The following PCBP3 variants were observed in gnomAD, a reference collection of about 807,000 sequenced individuals.
PCBP3 encodes the protein poly(rC)-binding protein 3.
Under a neutral mutation model 52.7 loss-of-function variants are expected in PCBP3, and 25 were observed. That is an observed-to-expected ratio of 0.47 (90% CI 0.35 to 0.66). The LOEUF is 0.66. Ranked by LOEUF, PCBP3 falls within the 30% of genes least tolerant of loss-of-function variation. The pLI is 0.01. For synonymous variants in PCBP3, 162 were observed against 183.0 expected (o/e 0.89, Z 0.93); for missense variants, 391 against 490.3 (o/e 0.80, Z 1.91).
chr21:45,866,376 C>T (rs2094725151), intron 5 of PCBP3, among the ~76,000 whole-genome samples: 1 of 152,238 alleles, frequency 6.6e-6, no homozygotes, highest in African/African-American at 2.4e-5. Flanking sequence ...AAGGAAATGA[C>T]ACAGGGCCTG....
intron 4 of PCBP3, among the ~76,000 whole-genome samples, chr21:45,831,930 C>T (rs143475237): frequency 4.4e-4 from 67 of 152,194 alleles, no homozygotes; most frequent in African/African-American, 1.5e-3. Context: ...AGGATGGTCT[C>T]GAATTCCTGA....
Position 45,857,183 on chromosome 21 carries a change from C to T in PCBP3, c.10+7088C>T, listed in dbSNP as rs150531191. Among the ~76,000 whole-genome samples the T allele has an allele frequency of 2.0e-3, 299 of 152,292 alleles. 2 individuals carry two copies. Among genetic ancestry groups the T allele is most frequent in the African/African-American group, 6.9e-3 (286 of 41,548 alleles). On this transcript the variant is annotated intron_variant, in intron 5 of 17. Transcript: ENST00000681687. The stretch of plus-strand genomic sequence containing the variant: ...TTCTTTACAGATGCAAATGTTCCCC[C>T]ACAAAGGACGGCTTTGTAGGACCAT...
At chr21:45,939,354 A>G (rs1007041493) in intron 16 of PCBP3, among the ~76,000 whole-genome samples, 2 of 152,164 alleles carry the variant, frequency 1.3e-5, no homozygotes, top group African/African-American at 4.8e-5. Flanking sequence ...GCTGCCCCAT[A>G]GGCCCCGCCC....
At chr21:45,860,716 C>T (rs141262675) in intron 5 of PCBP3, among the ~76,000 whole-genome samples, 33 of 152,312 alleles carry the variant, frequency 2.2e-4, no homozygotes, top group African/African-American at 7.2e-4. Flanking sequence ...ATGCAGACTG[C>T]GGGGGAGATG....
In PCBP3 at chr21:45,656,713, CTT is replaced by C. The variant is rs1228485119; in HGVS notation, c.-278-12157_-278-12156del. 2.0e-5 allele frequency among the ~76,000 whole-genome samples: 3 copies of C among 152,150 alleles called. No homozygotes were observed. Among genetic ancestry groups the C allele is most frequent in the Admixed American group, 6.5e-5 (1 of 15,280 alleles). ...TTTGCCCATTTAAAAACTGGATTGT[CTT>C]TTTATCGCTGAGTTGTAAGTGTTCT... On this transcript the variant is annotated intron_variant, in intron 1 of 17. Coordinates refer to ENST00000681687, the MANE Select transcript of PCBP3 (RefSeq NM_001384156.1). The surrounding 1 kb of genome is among the most constrained non-coding windows in gnomAD (Gnocchi z 4.3).
chr21:45,932,641 G>A (rs968694305), intron 15 of PCBP3, among the ~76,000 whole-genome samples: 1 of 152,054 alleles, frequency 6.6e-6, no homozygotes, highest in Non-Finnish European at 1.5e-5. Flanking sequence ...GTCCTGAGAT[G>A]AATGAACACA....
At chr21:45,905,391 A>T (rs1395882743) in intron 9 of PCBP3, among the ~76,000 whole-genome samples, 1 of 152,232 alleles carries the variant, frequency 6.6e-6, no homozygotes, top group East Asian at 1.9e-4. Context: ...ATCCACCGCC[A>T]TGGGCCCTTG....
intron 2 of PCBP3, among the ~76,000 whole-genome samples, chr21:45,707,507 C>T (rs1338955260): frequency 1.3e-5 from 2 of 152,084 alleles, no homozygotes; most frequent in African/African-American, 4.8e-5. Flanking sequence ...CAAAGTGAGA[C>T]TCCGTCTCAA....
chr21:45,822,718 A>G (rs2147445002), intron 4 of PCBP3, among the ~76,000 whole-genome samples: 1 of 146,278 alleles, frequency 6.8e-6, no homozygotes, highest in East Asian at 1.9e-4. Context: ...GGTTAGGTGC[A>G]CGAGGGGCAG....
intron 4 of PCBP3, among the ~76,000 whole-genome samples, chr21:45,787,904 G>A (rs2146287942): frequency 6.6e-6 from 1 of 152,360 alleles, no homozygotes; most frequent in African/African-American, 2.4e-5. Flanking sequence ...AAAGAGATCA[G>A]GCTTTGAGGT....
chr21:45,701,596 C>G (rs1007154668), intron 2 of PCBP3, among the ~76,000 whole-genome samples: 1 of 152,186 alleles, frequency 6.6e-6, no homozygotes, highest in Non-Finnish European at 1.5e-5. Flanking sequence ...GACTCTTGCT[C>G]TGTTGCCAGG....
chr21:45,750,171 G>T (rs1198428570), intron 3 of PCBP3: 1 of 152,242 alleles, frequency 6.6e-6, no homozygotes, highest in Non-Finnish European at 1.5e-5. Flanking sequence ...TGAGGTTGCC[G>T]ACTCAGTGCA....
In PCBP3 at chr21:45,837,528, A is replaced by C. The variant is rs1303728727; in HGVS notation, c.-125-12433A>C. 2.0e-5 allele frequency among the ~76,000 whole-genome samples: 3 copies of C among 152,088 alleles called. No homozygotes were observed. Among genetic ancestry groups the C allele is most frequent in the Non-Finnish European group, 4.4e-5 (3 of 68,012 alleles). On this transcript the variant is annotated intron_variant, in intron 4 of 17. Transcript: ENST00000681687. The surrounding 1 kb of genome is among the most constrained non-coding windows in gnomAD (Gnocchi z 4.1). ...TGGAAATTCTCCTGCGGGCGGTTTC[A>C]TGTCGAAGGCCTACCTGTAGCCCTG...
At position 45,906,203 on chromosome 21, in the gene PCBP3, C is replaced by G. The variant is rs181519427; in HGVS notation, c.340-3152C>G. Among the ~76,000 whole-genome samples the G allele has an allele frequency of 2.4e-4, 37 of 152,316 alleles. No homozygotes were observed. In the East Asian group the frequency reaches 6.8e-3, roughly 28 times the overall value. Reference sequence around the variant, plus strand: ...CTGGAGGGGCAGCGTGAACACCCACCACCATGAAGCACGTGGCTTTGGGAA... The same window carrying G: ...CTGGAGGGGCAGCGTGAACACCCACGACCATGAAGCACGTGGCTTTGGGAA... On this transcript the variant is annotated intron_variant, in intron 9 of 17. Coordinates refer to ENST00000681687, the MANE Select transcript of PCBP3 (RefSeq NM_001384156.1).
intron 1 of PCBP3, among the ~76,000 whole-genome samples, chr21:45,646,101 C>CTGTGTG (rs1409409428): frequency 3.9e-5 from 3 of 76,432 alleles, no homozygotes; most frequent in Non-Finnish European, 8.5e-5. Context: ...CTCTCTCTCT[C>CTGTGTG]TCTCTCTGTG....
chr21:45,829,407 G>A lies in PCBP3; in HGVS notation c.-125-20554G>A, dbSNP rs1318218430. 6.6e-6 allele frequency: 1 copy of A among 152,468 alleles called. No homozygotes were observed. Among genetic ancestry groups the A allele is most frequent in the East Asian group, 1.9e-4 (1 of 5,174 alleles). 9.4% of individuals were successfully genotyped at this position (152,468 alleles called of 1,614,324 possible). On this transcript the variant is annotated intron_variant, in intron 4 of 17. Transcript: ENST00000681687. This position sits in a 1 kb window ranked among gnomAD's most constrained non-coding sequence, Gnocchi z 5.2. Reference sequence around the variant, plus strand: ...CAGGGAGCCCGGGACCAGGCAGAGGGTGCTGGGCAGAACCCCTTCCCGCTG... The same window carrying A: ...CAGGGAGCCCGGGACCAGGCAGAGGATGCTGGGCAGAACCCCTTCCCGCTG...
intron 9 of PCBP3, among the ~76,000 whole-genome samples, chr21:45,902,212 C>T (rs1432088183): frequency 2.0e-5 from 3 of 150,936 alleles, no homozygotes; most frequent in African/African-American, 7.4e-5. Context: ...TGCCCAGAGC[C>T]GACTGCAGCA....
At chr21:45,757,356 C>T (rs886800438) in intron 4 of PCBP3, among the ~76,000 whole-genome samples, 3 of 152,038 alleles carry the variant, frequency 2.0e-5, no homozygotes, top group African/African-American at 7.2e-5. Context: ...AAGTTTTTTG[C>T]CTACTTTTAA....
chr21:45,671,350 A>C (rs2081162624), intron 2 of PCBP3, among the ~76,000 whole-genome samples: 1 of 152,208 alleles, frequency 6.6e-6, no homozygotes, highest in South Asian at 2.1e-4. Context: ...GTCTTTATCA[A>C]ATCCAGTTGT....
Sources: allele counts gnomAD v4.1 joint callset (sites outside exome capture counted in the v4.1 genomes callset), GRCh38; gene constraint gnomAD v4.1.1; non-coding constraint Gnocchi (gnomAD v3.1); transcripts MANE v1.5; gene names NCBI Gene and HGNC (gene_info 2026-07-23, HGNC 2026-07-21).